NKAIN2: variants seen among roughly 807,000 people sequenced by gnomAD.
NKAIN2 encodes sodium/potassium transporting ATPase interacting 2, also known as sodium/potassium-transporting ATPase subunit beta-1-interacting protein 2.
NKAIN2 carries 14 observed loss-of-function variants against 32.6 expected under a neutral mutation model. The ratio of observed to expected loss-of-function variants is 0.43; its 90% CI spans 0.28 to 0.67. The LOEUF is 0.67. Among genes scored for constraint, NKAIN2 ranks in the 30% least tolerant of loss-of-function variants. NKAIN2 has a pLI of 0.17. For missense variants in NKAIN2, 198 were observed against 258.3 expected (o/e 0.77, Z 1.60); for synonymous variants, 80 against 87.2 (o/e 0.92, Z 0.46).
chr6:124,477,700 CTCCCT>C, intron 3 of NKAIN2, among the ~76,000 whole-genome samples: 1 of 57,662 alleles, frequency 1.7e-5, no homozygotes, highest in African/African-American at 7.0e-5. Flanking sequence ...CCCTCATCCT[CTCCCT>C]CCCCCTTACT....
At chr6:124,059,326 A>G (rs1054557225) in intron 1 of NKAIN2, among the ~76,000 whole-genome samples, 3 of 152,062 alleles carry the variant, frequency 2.0e-5, no homozygotes, top group African/African-American at 4.8e-5. Context: ...CGGTTATGCT[A>G]TAGTCACACT....
At chr6:124,122,069 T>G (rs1376724720) in intron 1 of NKAIN2, 1 of 207,076 alleles carries the variant, frequency 4.8e-6, no homozygotes, top group Non-Finnish European at 9.8e-6. Flanking sequence ...AAAAAAGTTT[T>G]ATTTTATGTA....
intron 3 of NKAIN2, among the ~76,000 whole-genome samples, chr6:124,490,970 T>G (rs1485560373): frequency 1.3e-5 from 2 of 151,926 alleles, no homozygotes; most frequent in African/African-American, 4.8e-5. Context: ...AGCAACATTA[T>G]TTTCTGTTGT....
At chr6:124,697,512 C>T (rs910252417) in intron 4 of NKAIN2, among the ~76,000 whole-genome samples, 12 of 152,080 alleles carry the variant, frequency 7.9e-5, no homozygotes, top group African/African-American at 2.9e-4. Context: ...CTTTATCACA[C>T]TAGAGCTCTC....
At chr6:124,788,100 A>G in intron 4 of NKAIN2, among the ~76,000 whole-genome samples, 1 of 152,090 alleles carries the variant, frequency 6.6e-6, no homozygotes, top group Non-Finnish European at 1.5e-5. Flanking sequence ...ACTTCAAATT[A>G]CAGTTATATG....
intron 1 of NKAIN2, among the ~76,000 whole-genome samples, chr6:123,988,994 C>G (rs542641103): frequency 2.0e-5 from 3 of 151,744 alleles, no homozygotes; most frequent in African/African-American, 7.3e-5. Context: ...TCGATCTATT[C>G]TGTGCTCTGT....
intron 1 of NKAIN2, among the ~76,000 whole-genome samples, chr6:124,025,934 C>T (rs1781089336): frequency 1.3e-5 from 2 of 152,120 alleles, no homozygotes; most frequent in Admixed American, 6.6e-5. Flanking sequence ...CTCTGACCTA[C>T]CTTGCCTAAA....
intron 1 of NKAIN2, among the ~76,000 whole-genome samples, chr6:124,166,627 C>G (rs1029826336): frequency 2.9e-4 from 44 of 151,808 alleles, no homozygotes; most frequent in African/African-American, 9.7e-4. Flanking sequence ...CCTAGGTTTT[C>G]TTCTAGGGTT....
intron 1 of NKAIN2, among the ~76,000 whole-genome samples, chr6:123,943,391 T>G (rs73773021): frequency 0.01 from 1,575 of 152,168 alleles, 23 homozygotes; most frequent in African/African-American, 0.036. Context: ...ATCTGACTCC[T>G]TTAGGAAAAC....
intron 1 of NKAIN2, among the ~76,000 whole-genome samples, chr6:124,017,148 G>A (rs1780611164): frequency 1.3e-5 from 2 of 152,148 alleles, no homozygotes; most frequent in African/African-American, 4.8e-5. Context: ...CATGGCAGTA[G>A]GCAAGAGGGC....
At chr6:124,176,827 C>T (rs116569549) in intron 1 of NKAIN2, among the ~76,000 whole-genome samples, 51 of 151,902 alleles carry the variant, frequency 3.4e-4, no homozygotes, top group Admixed American at 1.1e-3. Flanking sequence ...TGTGTGTATT[C>T]TTTTGTTAAC....
chr6:123,815,409 T>A (rs1178463743), intron 1 of NKAIN2, among the ~76,000 whole-genome samples: 8 of 152,222 alleles, frequency 5.3e-5, no homozygotes, highest in Admixed American at 4.6e-4. Context: ...TAGCATTTGA[T>A]GCACTTGATG....
intron 1 of NKAIN2, among the ~76,000 whole-genome samples, chr6:124,262,356 T>A (rs1794293393): frequency 6.6e-6 from 1 of 152,136 alleles, no homozygotes; most frequent in Non-Finnish European, 1.5e-5. Flanking sequence ...CTAAACAAGT[T>A]TAATCTGAGA....
intron 4 of NKAIN2, among the ~76,000 whole-genome samples, chr6:124,709,251 T>C (rs1285165725): frequency 6.7e-6 from 1 of 149,370 alleles, no homozygotes; most frequent in African/African-American, 2.5e-5. Context: ...CAGTATTTTA[T>C]TGAGGATTTT....
chr6:124,310,247 T>C (rs9491112), intron 2 of NKAIN2, among the ~76,000 whole-genome samples: 10,441 of 152,182 alleles, frequency 0.069, 533 homozygotes, highest in East Asian at 0.25. Flanking sequence ...CTTTCATTTA[T>C]GTAGATTTTT....
intron 4 of NKAIN2, among the ~76,000 whole-genome samples, chr6:124,692,360 C>G (rs1447082323): frequency 1.3e-5 from 2 of 152,162 alleles, no homozygotes; most frequent in African/African-American, 4.8e-5. Flanking sequence ...CATAAAAACA[C>G]TATTTCTCAC....
chr6:124,747,201 G>T (rs911286698), intron 4 of NKAIN2, among the ~76,000 whole-genome samples: 11 of 151,894 alleles, frequency 7.2e-5, no homozygotes, highest in African/African-American at 2.7e-4. Flanking sequence ...GCCAGAGCTG[G>T]GGTCACAGTC....
intron 3 of NKAIN2, among the ~76,000 whole-genome samples, chr6:124,454,625 G>A (rs1384457969): frequency 6.6e-6 from 1 of 152,022 alleles, no homozygotes; most frequent in African/African-American, 2.4e-5. Context: ...CCATAAATGT[G>A]TCTTTTAGGT....
intron 4 of NKAIN2, among the ~76,000 whole-genome samples, chr6:124,788,487 C>T (rs1227160209): frequency 1.3e-5 from 2 of 152,192 alleles, no homozygotes; most frequent in East Asian, 3.9e-4. Context: ...TAAATTGACT[C>T]ACACTTCAGC....
Sources: gnomAD v4.1 joint callset for allele counts (sites outside exome capture counted in the v4.1 genomes callset) on GRCh38, gnomAD v4.1.1 for gene constraint, MANE v1.5 for transcripts, NCBI Gene and HGNC (gene_info 2026-07-23, HGNC 2026-07-21) for gene names.